The following MACROD2 variants were observed in gnomAD, a reference collection of about 807,000 sequenced individuals.
MACROD2 encodes the protein ADP-ribose glycohydrolase MACROD2.
A neutral mutation model predicts 70.4 loss-of-function variants in MACROD2; 36 were observed. The ratio of observed to expected loss-of-function variants is 0.51; its 90% confidence interval spans 0.39 to 0.68. The LOEUF is 0.68. MACROD2 is among the 30% of genes least tolerant of loss of function. The pLI, the probability that MACROD2 is intolerant of heterozygous loss-of-function variation, is 0.00. For missense variants in MACROD2, 496 were observed against 538.4 expected (o/e 0.92, Z 0.78); for synonymous variants, 172 against 178.8 (o/e 0.96, Z 0.30).
At chr20:15,045,762 C>T (rs1484344074) in intron 5 of MACROD2, among the ~76,000 whole-genome samples, 2 of 126,568 alleles carry the variant, frequency 1.6e-5, no homozygotes, top group South Asian at 3.0e-4. Context: ...TGATAACACA[C>T]CACACTTTTG....
intron 7 of MACROD2, among the ~76,000 whole-genome samples, chr20:15,474,547 A>G (rs888665900): frequency 7.2e-5 from 11 of 152,310 alleles, no homozygotes; most frequent in African/African-American, 2.4e-4. Flanking sequence ...TCCCATCAAT[A>G]TCAGTAGCTG....
At chr20:15,289,017 C>T (rs539498861) in intron 6 of MACROD2, among the ~76,000 whole-genome samples, 1 of 152,250 alleles carries the variant, frequency 6.6e-6, no homozygotes, top group South Asian at 2.1e-4. Flanking sequence ...TCCAACTGTT[C>T]ACCTTAGAGT....
At chr20:15,257,767 ACTT>A (rs1199054109) in intron 6 of MACROD2, among the ~76,000 whole-genome samples, 4 of 152,098 alleles carry the variant, frequency 2.6e-5, no homozygotes, top group East Asian at 1.9e-4. Flanking sequence ...AATTTGCTAT[ACTT>A]CTTATCACTA....
chr20:15,390,945 G>A (rs1315673112), intron 6 of MACROD2, among the ~76,000 whole-genome samples: 1 of 152,140 alleles, frequency 6.6e-6, no homozygotes, highest in East Asian at 1.9e-4. Context: ...TTGATGCATT[G>A]TTCATTTGGA....
At chr20:14,976,687 G>T (rs2074742488) in intron 5 of MACROD2, among the ~76,000 whole-genome samples, 1 of 152,136 alleles carries the variant, frequency 6.6e-6, no homozygotes, top group South Asian at 2.1e-4. Flanking sequence ...AGATGGTTTA[G>T]CCTAGAGGTG....
chr20:15,377,143 G>A (rs2045574338), intron 6 of MACROD2, among the ~76,000 whole-genome samples: 1 of 152,092 alleles, frequency 6.6e-6, no homozygotes, highest in South Asian at 2.1e-4. Context: ...GCCCGCTTCG[G>A]CCTCCCAAAG....
intron 8 of MACROD2, among the ~76,000 whole-genome samples, chr20:15,618,515 C>A (rs906926977): frequency 1.3e-5 from 2 of 152,252 alleles, no homozygotes; most frequent in African/African-American, 4.8e-5. Context: ...TCCTCCAAGT[C>A]TCTCACCCCA....
At chr20:15,901,397 A>G (rs1426127953) in intron 10 of MACROD2, among the ~76,000 whole-genome samples, 1 of 152,044 alleles carries the variant, frequency 6.6e-6, no homozygotes, top group African/African-American at 2.4e-5. Flanking sequence ...TTGAATTTTG[A>G]TGTTCTCCTG....
intron 4 of MACROD2, among the ~76,000 whole-genome samples, chr20:14,558,291 A>G (rs1193254559): frequency 1.3e-5 from 2 of 151,782 alleles, no homozygotes; most frequent in Non-Finnish European, 3.0e-5. Context: ...GAAAGAGTCT[A>G]TGAACATACA....
chr20:14,372,381 C>CA (rs5840613), intron 3 of MACROD2, among the ~76,000 whole-genome samples: 85,584 of 151,656 alleles, frequency 0.56, 24,365 homozygotes, highest in South Asian at 0.71. Flanking sequence ...AAGACTGTTT[C>CA]AGACCAGTAA....
At chr20:15,004,728 A>G (rs1327235781) in intron 5 of MACROD2, among the ~76,000 whole-genome samples, 3 of 152,226 alleles carry the variant, frequency 2.0e-5, no homozygotes, top group African/African-American at 7.2e-5. Flanking sequence ...TGTGATAAAA[A>G]TGGAAACTAT....
rs540613945 is a variant in MACROD2 at position 15,781,581 on chromosome 20, A to G, written c.646-81164A>G. Among the ~76,000 whole-genome samples the G allele has an allele frequency of 2.0e-3, 301 of 152,304 alleles. 1 individual carries two copies. Among genetic ancestry groups the G allele is most frequent in the Non-Finnish European group, 3.2e-3 (215 of 68,026 alleles). ...TGGAGGGGAAGAACACTGTGTCCCC[A>G]CATGGTGGAAGGTGGAAGTGCCCTT... On this transcript the variant is annotated intron_variant, in intron 8 of 17. Coordinates refer to ENST00000684519, the MANE Select transcript of MACROD2 (RefSeq NM_001351661.2).
chr20:14,342,333 G>T (rs2083021906), intron 3 of MACROD2, among the ~76,000 whole-genome samples: 1 of 152,122 alleles, frequency 6.6e-6, no homozygotes, highest in South Asian at 2.1e-4. Context: ...ACTTGAAACT[G>T]CTCTTTTTCT....
At chr20:15,748,630 C>A (rs956339432) in intron 8 of MACROD2, among the ~76,000 whole-genome samples, 5 of 152,032 alleles carry the variant, frequency 3.3e-5, no homozygotes, top group Admixed American at 1.3e-4. Context: ...GAATTGAAAC[C>A]CATGTGTGCA....
At chr20:15,768,164 G>A (rs1197409916) in intron 8 of MACROD2, among the ~76,000 whole-genome samples, 6 of 151,606 alleles carry the variant, frequency 4.0e-5, no homozygotes, top group East Asian at 1.9e-4. Flanking sequence ...GTGTGTAGTC[G>A]TGCATCGCTT....
At chr20:16,033,547 G>C (rs1043841098) in intron 15 of MACROD2, among the ~76,000 whole-genome samples, 1 of 152,046 alleles carries the variant, frequency 6.6e-6, no homozygotes, top group South Asian at 2.1e-4. Context: ...CAGTGATAAA[G>C]AGATACCCAG....
rs1226710114 is a variant in MACROD2 at position 15,357,084 on chromosome 20, C to G, written c.541-74321C>G. Among the ~76,000 whole-genome samples, 5 of 152,148 alleles carry G rather than the reference C, an allele frequency of 3.3e-5. No individual in the cohort carries two copies. In the East Asian group the frequency reaches 7.7e-4, roughly 24 times the overall value. On this transcript the variant is annotated intron_variant, in intron 6 of 17. Coordinates refer to ENST00000684519, the MANE Select transcript of MACROD2 (RefSeq NM_001351661.2). ...TAGTCTAGATGCACATGTGTACCTA[C>G]TTAATGAAACCATCTCATCAAAGAG...
chr20:14,379,627 C>T (rs1271952203), intron 3 of MACROD2, among the ~76,000 whole-genome samples: 4 of 152,120 alleles, frequency 2.6e-5, no homozygotes, highest in African/African-American at 9.7e-5. Context: ...ACCTTACCCT[C>T]AGCCCCTGGT....
chr20:14,752,416 T>C (rs556098555), intron 5 of MACROD2, among the ~76,000 whole-genome samples: 1 of 152,188 alleles, frequency 6.6e-6, no homozygotes, highest in East Asian at 1.9e-4. Context: ...ACACTTCTTT[T>C]CTCATTAAGC....
Sources: gnomAD v4.1 joint callset for allele counts (sites outside exome capture counted in the v4.1 genomes callset) on GRCh38, gnomAD v4.1.1 for gene constraint, MANE v1.5 for transcripts, NCBI Gene and HGNC (gene_info 2026-07-23, HGNC 2026-07-21) for gene names.